Variants in MECOM observed in about 807,000 individuals in gnomAD.
The protein encoded by MECOM is histone-lysine N-methyltransferase MECOM.
In MECOM, 13 loss-of-function variants were observed where a neutral mutation model predicts 116.3. The observed-to-expected ratio is 0.11, with a 90% CI of 0.07 to 0.18. MECOM has a LOEUF of 0.18. Ranked by LOEUF, MECOM falls within the 10% of genes least tolerant of loss-of-function variation. MECOM has a pLI of 1.00. For synonymous variants in MECOM, 528 were observed against 535.2 expected (o/e 0.99, Z 0.19); for missense variants, 1,299 against 1,509.0 (o/e 0.86, Z 2.31).
intron 2 of MECOM, among the ~76,000 whole-genome samples, chr3:169,192,362 A>G (rs1205295140): frequency 6.6e-6 from 1 of 152,056 alleles, no homozygotes; most frequent in Non-Finnish European, 1.5e-5. Context: ...AATATCTTCA[A>G]TGAAATATAT....
intron 1 of MECOM, among the ~76,000 whole-genome samples, chr3:169,652,178 G>C (rs1270150785): frequency 1.3e-5 from 2 of 152,170 alleles, no homozygotes; most frequent in African/African-American, 4.8e-5. Context: ...TCTTGCATGT[G>C]TATTTTCTGG....
chr3:169,202,058 T>C (rs1470678783), intron 2 of MECOM, among the ~76,000 whole-genome samples: 1 of 152,102 alleles, frequency 6.6e-6, no homozygotes, highest in Non-Finnish European at 1.5e-5. Context: ...AAGTGGTAGG[T>C]GGGATCCAAG....
intron 3 of MECOM, among the ~76,000 whole-genome samples, chr3:169,134,165 T>G (rs943919396): frequency 2.0e-5 from 3 of 152,230 alleles, no homozygotes; most frequent in African/African-American, 7.2e-5. Flanking sequence ...TAATCATGTC[T>G]CTTTTAATTC....
At chr3:169,180,660 C>T (rs914386299) in intron 2 of MECOM, among the ~76,000 whole-genome samples, 5 of 151,482 alleles carry the variant, frequency 3.3e-5, no homozygotes, top group African/African-American at 1.2e-4. Context: ...AGTATTGGAG[C>T]TTCTTCACCT....
At chr3:169,316,552 G>A (rs1469628281) in intron 2 of MECOM, among the ~76,000 whole-genome samples, 1 of 152,086 alleles carries the variant, frequency 6.6e-6, no homozygotes, top group East Asian at 1.9e-4. Flanking sequence ...GTCACTTTAA[G>A]AAAATATACT....
intron 1 of MECOM, among the ~76,000 whole-genome samples, chr3:169,548,210 C>T (rs1235644221): frequency 6.6e-6 from 1 of 152,008 alleles, no homozygotes; most frequent in Non-Finnish European, 1.5e-5. Flanking sequence ...GAAAGAAAAA[C>T]TTTAAAAATA....
Position 169,090,108 on chromosome 3 carries a change from C to T in MECOM, c.3293G>A (p.Gly1098Glu). 6.2e-7 allele frequency: 1 copy of T among 1,613,564 alleles called. No homozygotes were observed. The highest frequency in any genetic ancestry group is 1.1e-5 in the South Asian group (1 of 91,066). Reference sequence around the variant, plus strand: ...TGTCACTGGTTCCTTTCCTGTTTTTCCAGTAATATCATTGTCTTCATCCTC... The same window carrying T: ...TGTCACTGGTTCCTTTCCTGTTTTTTCAGTAATATCATTGTCTTCATCCTC... Reference protein sequence around the residue: ...DEEDEDNDITGKTGKEPVTSN... With the variant: ...DEEDEDNDITEKTGKEPVTSN... The change falls in exon 15 of 17, where the codon GGA becomes GAA. Residue 1098 changes from glycine (G) to glutamate (E), a missense_variant. Gly to Glu is a moderately conservative substitution (Grantham distance 98). Coordinates refer to ENST00000651503, the MANE Select transcript of MECOM (RefSeq NM_004991.4).
chr3:169,186,074 A>G (rs922384581), intron 2 of MECOM, among the ~76,000 whole-genome samples: 3 of 151,986 alleles, frequency 2.0e-5, no homozygotes, highest in Admixed American at 1.3e-4. Flanking sequence ...ATCTCACCCA[A>G]CCATTGCCCA....
chr3:169,448,570 A>G (rs897272796), intron 1 of MECOM, among the ~76,000 whole-genome samples: 2 of 152,192 alleles, frequency 1.3e-5, no homozygotes, highest in African/African-American at 2.4e-5. Context: ...GTAAAGCCAC[A>G]TTATCTTTAA....
chr3:169,526,888 A>G (rs914579034), intron 1 of MECOM, among the ~76,000 whole-genome samples: 7 of 152,160 alleles, frequency 4.6e-5, no homozygotes, highest in Non-Finnish European at 7.4e-5. Flanking sequence ...ACTCAAAGCT[A>G]TATAAAATAA....
intron 2 of MECOM, among the ~76,000 whole-genome samples, chr3:169,332,305 A>T (rs1215062890): frequency 1.3e-5 from 2 of 149,728 alleles, no homozygotes; most frequent in Non-Finnish European, 3.0e-5. Context: ...TCGAAGGCTT[A>T]TTTTTTTTTT....
chr3:169,137,818 G>T (rs549386433), intron 3 of MECOM, among the ~76,000 whole-genome samples: 1 of 151,990 alleles, frequency 6.6e-6, no homozygotes, highest in African/African-American at 2.4e-5. Context: ...GCATAAATAC[G>T]GCAATTGATA....
rs143522542 is a variant in MECOM, at chr3:169,433,218, C to T, written c.38-51694G>A. Among the ~76,000 whole-genome samples, 284 of 152,326 alleles carry T rather than the reference C, an allele frequency of 1.9e-3. 5 individuals are homozygous for T. The East Asian group carries it at 0.048, about 26-fold the overall frequency. On this transcript the variant is annotated intron_variant, in intron 1 of 16. Coordinates refer to ENST00000651503, the MANE Select transcript of MECOM (RefSeq NM_004991.4). ...GCATGGTGACTCACACCTGTAATCA[C>T]AGCACTTTGGGAGGCCAAGGCGGGT...
Position 169,528,855 on chromosome 3 carries a change from T to C in MECOM, c.37+134481A>G, listed in dbSNP as rs566202727. On this transcript the variant is annotated intron_variant, in intron 1 of 16. Coordinates refer to ENST00000651503, the MANE Select transcript of MECOM (RefSeq NM_004991.4). ...CAGGCAAACAAGAGCAGAAACAAGT[T>C]ATCCAGGAAGGGGAATTCTATGGCT... is the stretch of plus-strand genomic sequence containing the variant. 6.6e-5 allele frequency among the ~76,000 whole-genome samples: 10 copies of C among 152,332 alleles called. No homozygotes were observed. The East Asian group carries it at 1.9e-3, about 29-fold the overall frequency.
intron 2 of MECOM, among the ~76,000 whole-genome samples, chr3:169,355,916 ATGTT>A (rs986893990): frequency 2.6e-5 from 4 of 151,852 alleles, no homozygotes; most frequent in Admixed American, 6.6e-5. Flanking sequence ...AAAGGATTGA[ATGTT>A]TGTTTTTGAT....
At chr3:169,381,047 T>C (rs983146895) in intron 2 of MECOM, 140 bp downstream of exon 2, 13 of 758,862 alleles carry the variant, frequency 1.7e-5, no homozygotes, top group Non-Finnish European at 2.5e-5. Flanking sequence ...AGAAGTGAGA[T>C]TGTAAAGGAA....
At chr3:169,486,027 GTA>G (rs532251720) in intron 1 of MECOM, among the ~76,000 whole-genome samples, 5,354 of 110,214 alleles carry the variant, frequency 0.049, 138 homozygotes, top group East Asian at 0.15. Flanking sequence ...TGTATATATA[GTA>G]TATATATATA....
rs762920930 is a variant in MECOM, at chr3:169,095,065, T to G, written c.3019+11A>C. On this transcript the variant is annotated intron_variant, in intron 13 of 16. Transcript: ENST00000651503. Reference sequence around the variant, plus strand: ...AGTCATCTTTGACTTATAACACAATTTATTACGTACCGGACATGTTCCCAT... The same window carrying G: ...AGTCATCTTTGACTTATAACACAATGTATTACGTACCGGACATGTTCCCAT... 2 of 1,557,636 alleles carry G rather than the reference T, an allele frequency of 1.3e-6. No individual in the cohort carries two copies. Among genetic ancestry groups the G allele is most frequent in the African/African-American group, 1.4e-5 (1 of 73,192 alleles).
intron 2 of MECOM, among the ~76,000 whole-genome samples, chr3:169,352,472 T>C (rs1323127237): frequency 1.3e-5 from 2 of 151,900 alleles, no homozygotes. Flanking sequence ...TGTGGAGTTG[T>C]CTAACGTAAA....
Sources: gnomAD v4.1 joint callset for allele counts (sites outside exome capture counted in the v4.1 genomes callset) on GRCh38, gnomAD v4.1.1 for gene constraint, MANE v1.5 for transcripts, NCBI Gene and HGNC (gene_info 2026-07-23, HGNC 2026-07-21) for gene names.